Variants in VIPR1 observed in about 807,000 individuals in gnomAD.
VIPR1 encodes vasoactive intestinal polypeptide receptor 1.
In VIPR1, 59 loss-of-function variants were observed where a neutral mutation model predicts 58.8. That is an observed-to-expected ratio of 1.00 (90% CI 0.81 to 1.25). VIPR1 has a LOEUF of 1.25. VIPR1 is among the 50% of genes most tolerant of loss of function. The pLI is 0.00. For synonymous variants in VIPR1, 251 were observed against 242.1 expected, an observed-to-expected ratio of 1.04 and a Z score of -0.34; for missense variants, 626 against 602.7, an observed-to-expected ratio of 1.04 and a Z score of -0.40.
At chr3:42,531,652 G>A in intron 8 of VIPR1, 121 bp downstream of exon 8, 1 of 1,547,002 alleles carries the variant, frequency 6.5e-7, no homozygotes, top group Non-Finnish European at 8.9e-7. Context: ...GGCCAGAGGG[G>A]AGGCTGGAGG....
rs1458034557 is a variant in VIPR1 at position 42,527,660 on chromosome 3, G to C, written c.503+164G>C. On this transcript the variant is annotated intron_variant, in intron 5 of 12. Transcript: ENST00000325123. Reference sequence around the variant, plus strand: ...GGCCAGCTTCCCCTGGAGAAGGCAGGTGGCTGAGCTCTTCCATGTGTTGCA... The same window carrying C: ...GGCCAGCTTCCCCTGGAGAAGGCAGCTGGCTGAGCTCTTCCATGTGTTGCA... 352 of 701,064 alleles carry C rather than the reference G, an allele frequency of 5.0e-4. 2 individuals carry two copies. The highest frequency in any genetic ancestry group is 1.6e-3 in the South Asian group (90 of 56,250). The allele number at this position is 701,064 out of a possible 1,614,324, so 43.4% of individuals were successfully genotyped here.
chr3:42,536,183 A>G lies in VIPR1; in HGVS notation c.1276A>G (p.Asn426Asp). The G allele has an allele frequency of 1.2e-6, 2 of 1,605,764 alleles. No homozygotes were observed. Among genetic ancestry groups the G allele is most frequent in the Non-Finnish European group, 1.7e-6 (2 of 1,176,882 alleles). Residue 426 changes from asparagine to aspartate, a missense_variant, in exon 13 of 13, where the codon AAC becomes GAC. By Grantham distance (23) the Asn-to-Asp change is conservative. Transcript: ENST00000325123. The part of the protein sequence containing the change: ...PKYRHPSGGS[N>D]GATCSTQVSM... The stretch of plus-strand genomic sequence containing the variant: ...ATACCGGCACCCGTCGGGAGGCAGC[A>G]ACGGCGCCACGTGCAGCACGCAGGT...
intron 1 of VIPR1, chr3:42,506,542 T>C (rs1364668263): frequency 1.3e-5 from 2 of 152,232 alleles, no homozygotes; most frequent in Admixed American, 6.5e-5. Flanking sequence ...TTTTTTTTCT[T>C]TTTGAGATGG....
chr3:42,490,014 C>T (rs1011822248), intron 1 of VIPR1, among the ~76,000 whole-genome samples: 1 of 152,104 alleles, frequency 6.6e-6, no homozygotes, highest in African/African-American at 2.4e-5. Context: ...CTCTGATCTG[C>T]ACCACCCAGA....
intron 3 of VIPR1, among the ~76,000 whole-genome samples, chr3:42,524,615 T>C (rs1056216539): frequency 2.0e-5 from 3 of 152,158 alleles, no homozygotes; most frequent in African/African-American, 7.2e-5. Context: ...ACAGAAATGG[T>C]GAATATGGAA....
Position 42,532,352 on chromosome 3 carries a change from C to T in VIPR1, c.1010+19C>T. On this transcript the variant is annotated intron_variant, in intron 10 of 12. Coordinates refer to ENST00000325123, the MANE Select transcript of VIPR1 (RefSeq NM_004624.4). Reference sequence around the variant, plus strand: ...CATACTCGTGAGTGTGGGCCTAGTGCCTCAGCCCCCAGTACCTCCATCCCC... The same window carrying T: ...CATACTCGTGAGTGTGGGCCTAGTGTCTCAGCCCCCAGTACCTCCATCCCC... 1.2e-6 allele frequency: 2 copies of T among 1,609,352 alleles called. No homozygotes were observed. The highest frequency in any genetic ancestry group is 1.7e-6 in the Non-Finnish European group (2 of 1,175,716).
chr3:42,523,347 C>T (rs1454114043), intron 3 of VIPR1, among the ~76,000 whole-genome samples: 2 of 152,050 alleles, frequency 1.3e-5, no homozygotes, highest in South Asian at 4.2e-4. Context: ...ATTGTCCCCT[C>T]CCCTCCTCTC....
intron 1 of VIPR1, among the ~76,000 whole-genome samples, chr3:42,490,803 G>T (rs1257150466): frequency 6.6e-6 from 1 of 152,240 alleles, no homozygotes; most frequent in South Asian, 2.1e-4. Context: ...GAATACCGGG[G>T]AAGAGCATTC....
intron 3 of VIPR1, among the ~76,000 whole-genome samples, chr3:42,525,528 G>A (rs1701185993): frequency 6.6e-6 from 1 of 152,146 alleles, no homozygotes. Context: ...TTGTGACAAG[G>A]GTCAGCATTC....
intron 10 of VIPR1, 22 bp from the exon 11 acceptor site, chr3:42,534,953 C>A: frequency 6.2e-7 from 1 of 1,613,656 alleles, no homozygotes; most frequent in Non-Finnish European, 8.5e-7. Context: ...ATACCCATGG[C>A]CTGTCCCTCC....
At chr3:42,519,160 G>A in intron 2 of VIPR1, 63 bp from the exon 3 acceptor site, 1 of 1,361,688 alleles carries the variant, frequency 7.3e-7, no homozygotes. Flanking sequence ...TATGGCCTCA[G>A]GCCCCAGGGC....
At chr3:42,513,522 G>T in intron 1 of VIPR1, 1 of 515,142 alleles carries the variant, frequency 1.9e-6, no homozygotes, top group Admixed American at 3.3e-5. Flanking sequence ...AGCACTAATG[G>T]GGGAGCCATC....
In VIPR1 at chr3:42,519,261, GC is replaced by G. The variant is rs1559487657; in HGVS notation, c.225del (p.Thr76ProfsTer6). 1 of 1,610,900 alleles carries G rather than the reference GC, an allele frequency of 6.2e-7. No homozygotes were observed. The highest frequency in any genetic ancestry group is 8.5e-7 in the Non-Finnish European group (1 of 1,178,626). ...GTGGGACAACCTCACCTGCTGGCCA[GC>G]CACCCCTCGGGGCCAGGTAGTTGTC... is the stretch of plus-strand genomic sequence containing the variant. ...KMWDNLTCWPATPRGQVVVLA... is the reference protein window; with the variant it reads ...KMWDNLTCWPXTPRGQVVVLA... On this transcript the variant is annotated frameshift_variant, in exon 3 of 13. Transcript: ENST00000325123. LOFTEE classifies it high-confidence loss of function.
chr3:42,506,754 C>T (rs1700136626), intron 1 of VIPR1: 1 of 152,170 alleles, frequency 6.6e-6, no homozygotes, highest in Non-Finnish European at 1.5e-5. Context: ...TCTTGAACTC[C>T]TGGCTTCAGG....
At chr3:42,489,408 T>C (rs1699627237) in exon 1 of VIPR1, 1 of 152,176 alleles carries the variant, frequency 6.6e-6, no homozygotes, top group Non-Finnish European at 1.5e-5. Context: ...TTGGCAAGAC[T>C]CCCATTGGCC....
chr3:42,516,445 A>G (rs998291090), intron 2 of VIPR1: 2 of 152,422 alleles, frequency 1.3e-5, no homozygotes, highest in Admixed American at 6.5e-5. Flanking sequence ...ACACCCCAGC[A>G]CCAGTTCACA....
At chr3:42,511,152 A>G (rs931712466) in intron 1 of VIPR1, among the ~76,000 whole-genome samples, 1 of 152,216 alleles carries the variant, frequency 6.6e-6, no homozygotes, top group Non-Finnish European at 1.5e-5. Context: ...GCATGGCTGC[A>G]TTCACAGACC....
At chr3:42,514,591 C>T (rs1202421874) in intron 2 of VIPR1, among the ~76,000 whole-genome samples, 7 of 144,260 alleles carry the variant, frequency 4.9e-5, no homozygotes, top group African/African-American at 1.6e-4. Context: ...ACGCCCAGCC[C>T]CTAAGCATAC....
intron 2 of VIPR1, among the ~76,000 whole-genome samples, chr3:42,514,536 T>TGACAC (rs1020129436): frequency 1.6e-5 from 2 of 125,776 alleles, no homozygotes; most frequent in Non-Finnish European, 3.2e-5. Flanking sequence ...GGACCGATAG[T>TGACAC]GACACCACAC....
Sources: allele counts gnomAD v4.1 joint callset (sites outside exome capture counted in the v4.1 genomes callset), GRCh38; gene constraint gnomAD v4.1.1; transcripts MANE v1.5; gene names NCBI Gene and HGNC (gene_info 2026-07-23, HGNC 2026-07-21).